Variants in RYR3 observed in about 807,000 individuals in gnomAD.
The protein encoded by RYR3 is brain ryanodine receptor-calcium release channel.
Under a neutral mutation model 584.3 loss-of-function variants are expected in RYR3, and 207 were observed. That is an observed-to-expected ratio of 0.35 (90% confidence interval 0.32 to 0.40). The LOEUF is 0.40. Ranked by LOEUF, RYR3 falls within the 10% of genes least tolerant of loss-of-function variation. The pLI is 1.00. For missense variants in RYR3, 5,616 were observed against 6,089.2 expected (o/e 0.92, Z 2.59); for synonymous variants, 2,416 against 2,248.5 (o/e 1.07, Z -2.11).
chr15:33,779,928 G>A (rs1021925552), intron 64 of RYR3, among the ~76,000 whole-genome samples: 4 of 152,084 alleles, frequency 2.6e-5, no homozygotes, highest in African/African-American at 4.8e-5. Context: ...GGAGAATGGC[G>A]TGAACCTGGG....
chr15:33,492,064 T>C (rs1037889309), intron 2 of RYR3, among the ~76,000 whole-genome samples: 2 of 152,236 alleles, frequency 1.3e-5, no homozygotes, highest in Non-Finnish European at 2.9e-5. Flanking sequence ...TCTATTACCA[T>C]TCTATTCAAA....
intron 16 of RYR3, among the ~76,000 whole-genome samples, chr15:33,599,017 C>T (rs7167143): frequency 0.028 from 4,200 of 151,572 alleles, 195 homozygotes; most frequent in African/African-American, 0.095. Flanking sequence ...ATCGAGCCAC[C>T]GAACTCCAGC....
Position 33,644,525 on chromosome 15 carries a change from G to A in RYR3, c.3765+6G>A. ...AGGATCATCCACACATAGAGGTAATGTTACACAATGTGTGTGGCCCTGGCA... is the reference window on the plus strand; with the variant it reads ...AGGATCATCCACACATAGAGGTAATATTACACAATGTGTGTGGCCCTGGCA... On this transcript the variant is annotated splice_donor_region_variant and intron_variant, in intron 28 of 103. Coordinates refer to ENST00000634891, the MANE Select transcript of RYR3 (RefSeq NM_001036.6). 6.2e-7 allele frequency: 1 copy of A among 1,609,564 alleles called. No homozygotes were observed.
intron 81 of RYR3, 107 bp from the exon 82 acceptor site, chr15:33,825,496 G>T: frequency 1.4e-6 from 1 of 692,072 alleles, no homozygotes; most frequent in Non-Finnish European, 2.5e-6. Context: ...GTTTATTTAC[G>T]ATAACACAGG....
chr15:33,539,540 C>T, intron 6 of RYR3, 78 bp downstream of exon 6: 1 of 827,884 alleles, frequency 1.2e-6, no homozygotes, highest in East Asian at 2.7e-5. Flanking sequence ...AAGAACTGAG[C>T]CACAGCAGGT....
chr15:33,659,850 C>G, intron 33 of RYR3, 44 bp downstream of exon 33: 1 of 1,296,916 alleles, frequency 7.7e-7, no homozygotes. Context: ...CAAGAGAAAG[C>G]AGCACTAACC....
At chr15:33,432,697 T>TG (rs1555469372) in intron 1 of RYR3, among the ~76,000 whole-genome samples, 10 of 148,898 alleles carry the variant, frequency 6.7e-5, no homozygotes, top group African/African-American at 2.3e-4. Context: ...TGTGTGTGTG[T>TG]TTAAAGTAGA....
At chr15:33,722,689 A>C (rs1387709672) in intron 43 of RYR3, 26 bp from the exon 44 acceptor site, 1 of 1,602,840 alleles carries the variant, frequency 6.2e-7, no homozygotes, top group East Asian at 2.2e-5. Context: ...TTTCATTGAG[A>C]AGGAAACAGT....
Position 33,633,058 on chromosome 15 carries a change from G to C in RYR3, c.2977G>C (p.Val993Leu), listed in dbSNP as rs2061343255. The C allele has an allele frequency of 6.2e-7, 1 of 1,613,924 alleles. No individual in the cohort carries two copies. The highest frequency in any genetic ancestry group is 1.3e-5 in the African/African-American group (1 of 74,938). The change falls in exon 24 of 104, where the codon GTT (valine) becomes CTT (leucine). Residue 993 changes from valine (V) to leucine (L), a missense_variant. Coordinates refer to ENST00000634891, the MANE Select transcript of RYR3 (RefSeq NM_001036.6). ...TAAGCTTGCAGAAAATGCACACAAT[G>C]TTTGGGCAAAAGACAGAATAAAACA... ...VDKLAENAHNVWAKDRIKQGW... is the reference protein window; with the variant it reads ...VDKLAENAHNLWAKDRIKQGW...
At chr15:33,669,554 T>C in intron 37 of RYR3, 98 bp downstream of exon 37, 1 of 1,041,572 alleles carries the variant, frequency 9.6e-7, no homozygotes, top group African/African-American at 1.6e-5. Flanking sequence ...GAAGTTATTT[T>C]TGTATTTAAA....
intron 96 of RYR3, among the ~76,000 whole-genome samples, 183 bp downstream of exon 96, chr15:33,853,865 T>C (rs2079360810): frequency 6.6e-6 from 1 of 152,162 alleles, no homozygotes; most frequent in Non-Finnish European, 1.5e-5. Flanking sequence ...TACATTTTTA[T>C]GCCCTATAGA....
At chr15:33,649,723 C>A (rs2062349540) in intron 31 of RYR3, among the ~76,000 whole-genome samples, 1 of 152,172 alleles carries the variant, frequency 6.6e-6, no homozygotes, top group African/African-American at 2.4e-5. Flanking sequence ...ATAATAACCA[C>A]CAAATAGAAA....
chr15:33,333,890 C>T (rs182319375), intron 1 of RYR3, among the ~76,000 whole-genome samples: 1 of 152,198 alleles, frequency 6.6e-6, no homozygotes. Context: ...TAATATTCTT[C>T]TACACTAACA....
chr15:33,694,201 T>G (rs989413853), intron 38 of RYR3, among the ~76,000 whole-genome samples: 6 of 148,118 alleles, frequency 4.1e-5, no homozygotes, highest in Middle Eastern at 3.2e-3. Context: ...GTGCTCTCAT[T>G]TACTATTCAT....
intron 3 of RYR3, among the ~76,000 whole-genome samples, chr15:33,505,471 T>C (rs1199453763): frequency 6.6e-6 from 1 of 152,164 alleles, no homozygotes; most frequent in African/African-American, 2.4e-5. Flanking sequence ...TTCCACATAC[T>C]CTCAAACACT....
In RYR3 at chr15:33,837,904, A is replaced by G. The variant is rs755664305; in HGVS notation, c.11924A>G (p.Asn3975Ser). The G allele has an allele frequency of 6.2e-7, 1 of 1,613,866 alleles. No homozygotes were observed. The highest frequency in any genetic ancestry group is 1.3e-5 in the African/African-American group (1 of 74,918). Residue 3975 changes from asparagine to serine, a missense_variant, in exon 89 of 104, where the codon AAT becomes AGT. Coordinates refer to ENST00000634891, the MANE Select transcript of RYR3 (RefSeq NM_001036.6). ...CAEADENDMFNYVDFVDRFHE... is the reference protein window; with the variant it reads ...CAEADENDMFSYVDFVDRFHE... ...GAAGCTGATGAGAATGACATGTTTA[A>G]TTACGTTGATTTTGTAGACCGGTTC...
chr15:33,430,502 C>T (rs1390649857), intron 1 of RYR3, among the ~76,000 whole-genome samples: 2 of 152,184 alleles, frequency 1.3e-5, no homozygotes, highest in Admixed American at 1.3e-4. Flanking sequence ...TTAGCACTGA[C>T]TTAGGGACGT....
rs1166832173 is a variant in RYR3 at position 33,379,695 on chromosome 15, A to C, written c.51+68599A>C. On this transcript the variant is annotated intron_variant, in intron 1 of 103. Transcript: ENST00000634891. ...TCTCTCTCTCTCTCTCTCTATATAT[A>C]TATATATATATATGAATTTGTTAGA... is the stretch of plus-strand genomic sequence containing the variant. Among the ~76,000 whole-genome samples, 106 of 130,936 alleles carry C rather than the reference A, an allele frequency of 8.1e-4. 2 individuals are homozygous for C. Among genetic ancestry groups the C allele is most frequent in the African/African-American group, 2.1e-3 (60 of 28,486 alleles). The allele number at this position is 130,936 out of a possible 152,430, so 85.9% of individuals were successfully genotyped here.
chr15:33,827,336 A>G, intron 85 of RYR3, 49 bp downstream of exon 85: 1 of 1,502,386 alleles, frequency 6.7e-7, no homozygotes, highest in Admixed American at 2.0e-5. Flanking sequence ...TTGCTTCCAG[A>G]AGATAAACAC....
Sources: gnomAD v4.1 joint callset for allele counts (sites outside exome capture counted in the v4.1 genomes callset) on GRCh38, gnomAD v4.1.1 for gene constraint, MANE v1.5 for transcripts, NCBI Gene and HGNC (gene_info 2026-07-23, HGNC 2026-07-21) for gene names.